Variants in COL4A2 observed in about 807,000 individuals in gnomAD.
COL4A2 encodes collagen type IV alpha 2 chain.
COL4A2 carries 99 observed loss-of-function variants against 200.2 expected under a neutral mutation model. That is an observed-to-expected ratio of 0.49 (90% CI 0.42 to 0.58). The LOEUF (loss-of-function observed/expected upper bound fraction) is 0.58, where lower values mean the gene tolerates loss of function less well. COL4A2 is among the 20% of genes least tolerant of loss of function. COL4A2 has a pLI of 0.00. For missense variants in COL4A2, 1,950 were observed against 2,314.1 expected (o/e 0.84, Z 3.23); for synonymous variants, 897 against 900.6 (o/e 1.00, Z 0.07).
At chr13:110,460,261 G>A (rs983379349) in intron 22 of COL4A2, among the ~76,000 whole-genome samples, 3 of 152,162 alleles carry the variant, frequency 2.0e-5, no homozygotes, top group East Asian at 1.9e-4. Context: ...TTCATGGCAC[G>A]GAGCTGTGCA....
At chr13:110,429,802 G>C in intron 7 of COL4A2, 83 bp from the exon 8 acceptor site, 1 of 1,377,628 alleles carries the variant, frequency 7.3e-7, no homozygotes, top group Non-Finnish European at 1.0e-6. Flanking sequence ...TCAATGTTCA[G>C]TCATCCACAT....
At chr13:110,406,367 C>G (rs1393971106) in intron 4 of COL4A2, among the ~76,000 whole-genome samples, 1 of 152,168 alleles carries the variant, frequency 6.6e-6, no homozygotes, top group African/African-American at 2.4e-5. Flanking sequence ...ACTGGAAATA[C>G]TCATCAGGGT....
rs73615736 is a variant in COL4A2, at chr13:110,385,936, C to T, written c.180+28384C>T. 2.8e-3 allele frequency among the ~76,000 whole-genome samples: 56 copies of T among 20,282 alleles called. 12 individuals carry two copies. The highest frequency in any genetic ancestry group is 0.012 in the East Asian group (9 of 774). The allele number at this position is 20,282 out of a possible 152,430, so 13.3% of individuals were successfully genotyped here. ...GCGTGTGGATGGGCCGTGGTTACAG[C>T]GTGTGGATGGGCCGTGGTCACAGCG... On this transcript the variant is annotated intron_variant, in intron 4 of 47. Transcript: ENST00000360467.
chr13:110,504,735 A>G (rs1174506143), intron 45 of COL4A2, among the ~76,000 whole-genome samples: 2 of 151,928 alleles, frequency 1.3e-5, no homozygotes, highest in Non-Finnish European at 2.9e-5. Flanking sequence ...CCTCCCAAGT[A>G]GTTGGGACTA....
chr13:110,344,135 G>A (rs189510698), intron 3 of COL4A2, among the ~76,000 whole-genome samples: 2 of 152,190 alleles, frequency 1.3e-5, no homozygotes, highest in East Asian at 3.9e-4. Flanking sequence ...AAATATGTAA[G>A]GGTATTTATT....
intron 4 of COL4A2, among the ~76,000 whole-genome samples, chr13:110,406,178 A>T (rs1311960242): frequency 2.0e-5 from 3 of 152,214 alleles, no homozygotes; most frequent in African/African-American, 4.8e-5. Flanking sequence ...TGTAAACCAG[A>T]TAGTAAAGTG....
At chr13:110,511,209 T>C (rs1594120175) in intron 47 of COL4A2, among the ~76,000 whole-genome samples, 1 of 148,406 alleles carries the variant, frequency 6.7e-6, no homozygotes, top group East Asian at 2.0e-4. Context: ...AACATGTTGA[T>C]GCAACAGAAA....
In COL4A2 at chr13:110,469,297, G is replaced by C. The variant is rs770946467; in HGVS notation, c.2176G>C (p.Gly726Arg). 16 of 1,594,028 alleles carry C rather than the reference G, an allele frequency of 1.0e-5. No homozygotes were observed. The Admixed American group carries it at 1.4e-4, about 14-fold the overall frequency. ...PGPRGLPGDA[G>R]REGFPGPPGF... is the part of the protein sequence containing the mutation. ...GCCCAGGGGCTTGCCAGGAGACGCA[G>C]GTCGTGAAGGGTTCCCAGGACCCCC... The change falls in exon 28 of 48, where the codon GGT (glycine) becomes CGT (arginine). Residue 726 changes from glycine (G) to arginine (R), a missense_variant. By Grantham distance (125) the Gly-to-Arg change is moderately radical. Coordinates refer to ENST00000360467, the MANE Select transcript of COL4A2 (RefSeq NM_001846.4).
At chr13:110,460,683 A>G (rs7339193) in intron 22 of COL4A2, among the ~76,000 whole-genome samples, 87,703 of 152,062 alleles carry the variant, frequency 0.58, 26,133 homozygotes, top group Middle Eastern at 0.73. Context: ...AAGTGGGAAT[A>G]CCTGAGACCA....
chr13:110,401,930 C>G (rs1879385850), intron 4 of COL4A2, among the ~76,000 whole-genome samples: 2 of 152,142 alleles, frequency 1.3e-5, no homozygotes, highest in Admixed American at 1.3e-4. Context: ...GCACTAATCC[C>G]ACTCATGAGG....
rs111531805 is a variant in COL4A2, at chr13:110,441,925, C to CAAA, written c.957+2104_957+2106dup. ...TGAAACCCTGTCTCTACTAAAAATA[C>CAAA]AAAAAAAAAAAAAATTACCTGGGTG... On this transcript the variant is annotated intron_variant, in intron 16 of 47. Transcript: ENST00000360467. Among the ~76,000 whole-genome samples, 922 of 129,406 alleles carry CAAA rather than the reference C, an allele frequency of 7.1e-3. 5 individuals are homozygous for CAAA. Among genetic ancestry groups the CAAA allele is most frequent in the African/African-American group, 0.022 (782 of 34,924 alleles). 84.9% of individuals were successfully genotyped at this position (129,406 alleles called of 152,430 possible). A position where few individuals can be genotyped will look rare whatever the true frequency, so the allele number is the denominator to read the frequency against.
chr13:110,478,528 C>T (rs2281970), intron 30 of COL4A2, among the ~76,000 whole-genome samples: 42,325 of 152,146 alleles, frequency 0.28, 6,225 homozygotes, highest in East Asian at 0.43. Flanking sequence ...TCAGGGAAAC[C>T]TGGGGTAGAT....
chr13:110,323,295 T>C (rs1223827891), intron 3 of COL4A2, among the ~76,000 whole-genome samples: 6 of 152,114 alleles, frequency 3.9e-5, no homozygotes. Context: ...GCACCCTCTG[T>C]GGTCAGGGAG....
Position 110,474,743 on chromosome 13 carries a change from GCCGTGCACACTCACAC to G in COL4A2, c.2425+1594_2425+1609del, listed in dbSNP as rs1368054276. Among the ~76,000 whole-genome samples the G allele has an allele frequency of 3.1e-4, 33 of 106,846 alleles. 4 individuals are homozygous for G. Among genetic ancestry groups the G allele is most frequent in the East Asian group, 1.7e-3 (6 of 3,486 alleles). 70.1% of individuals were successfully genotyped at this position (106,846 alleles called of 152,430 possible). A position where few individuals can be genotyped will look rare whatever the true frequency, so the allele number is the denominator to read the frequency against. ...CACACACGCACGTACCCACACACGT[GCCGTGCACACTCACAC>G]ATCACACACGCACGTACCCACACAC... On this transcript the variant is annotated intron_variant, in intron 29 of 47. Coordinates refer to ENST00000360467, the MANE Select transcript of COL4A2 (RefSeq NM_001846.4).
intron 40 of COL4A2, among the ~76,000 whole-genome samples, chr13:110,499,072 C>T (rs868182795): frequency 2.0e-5 from 3 of 152,228 alleles, no homozygotes; most frequent in South Asian, 2.1e-4. Flanking sequence ...GAGGGAAAGA[C>T]GACCTTCCAT....
At chr13:110,331,754 T>A (rs1875925503) in intron 3 of COL4A2, among the ~76,000 whole-genome samples, 1 of 152,202 alleles carries the variant, frequency 6.6e-6, no homozygotes, top group Non-Finnish European at 1.5e-5. Flanking sequence ...CTCTGATTCC[T>A]AATGAGTTCA....
chr13:110,380,869 CTCTG>C (rs748272332), intron 4 of COL4A2, among the ~76,000 whole-genome samples: 2 of 149,326 alleles, frequency 1.3e-5, no homozygotes, highest in East Asian at 2.0e-4. Flanking sequence ...CACCCACGGG[CTCTG>C]TCTCACACCC....
intron 3 of COL4A2, among the ~76,000 whole-genome samples, chr13:110,308,645 C>T (rs910970659): frequency 1.3e-5 from 2 of 152,104 alleles, no homozygotes; most frequent in African/African-American, 4.8e-5. Context: ...GGAACAATGG[C>T]AGAAAAACCG....
intron 3 of COL4A2, among the ~76,000 whole-genome samples, chr13:110,332,630 C>T (rs7317390): frequency 0.72 from 109,718 of 152,030 alleles, 39,997 homozygotes; most frequent in East Asian, 0.92. Flanking sequence ...TAGAGAGAAA[C>T]GTTGGGCCCA....
Sources: allele counts gnomAD v4.1 joint callset (sites outside exome capture counted in the v4.1 genomes callset), GRCh38; gene constraint gnomAD v4.1.1; transcripts MANE v1.5; gene names NCBI Gene and HGNC (gene_info 2026-07-23, HGNC 2026-07-21).